DNM2: variants seen among roughly 807,000 people sequenced by gnomAD.
DNM2 encodes dynamin-2.
DNM2 carries 15 observed loss-of-function variants against 99.0 expected under a neutral mutation model. The ratio of observed to expected loss-of-function variants is 0.15; its 90% CI spans 0.10 to 0.23. The LOEUF (loss-of-function observed/expected upper bound fraction) is 0.23. Among genes scored for constraint, DNM2 ranks in the 10% least tolerant of loss-of-function variants. The pLI, the probability that DNM2 is intolerant of heterozygous loss-of-function variation, is 1.00. For missense variants in DNM2, 742 were observed against 1,189.4 expected (o/e 0.62, Z 5.53); for synonymous variants, 525 against 481.2 (o/e 1.09, Z -1.19).
At chr19:10,814,035 G>A (rs1002289284) in intron 15 of DNM2, among the ~76,000 whole-genome samples, 3 of 151,626 alleles carry the variant, frequency 2.0e-5, no homozygotes, top group Non-Finnish European at 1.5e-5. Flanking sequence ...GGTGGCGCAC[G>A]CTTGTAATCC....
intron 6 of DNM2, among the ~76,000 whole-genome samples, chr19:10,786,118 A>G (rs2071549723): frequency 6.6e-6 from 1 of 152,120 alleles, no homozygotes; most frequent in Non-Finnish European, 1.5e-5. Flanking sequence ...TCTATTTTGA[A>G]TCTTCCTTGC....
In DNM2 at chr19:10,831,187, C is replaced by T. The variant is rs1033349352; in HGVS notation, c.*140C>T. The T allele has an allele frequency of 1.6e-5, 23 of 1,405,516 alleles. No individual in the cohort carries two copies. Among genetic ancestry groups the T allele is most frequent in the East Asian group, 8.4e-5 (3 of 35,762 alleles). 87.1% of individuals were successfully genotyped at this position (1,405,516 alleles called of 1,614,324 possible). A position where few individuals can be genotyped will look rare whatever the true frequency, so the allele number is the denominator to read the frequency against. On this transcript the variant is annotated 3_prime_UTR_variant, in exon 21 of 21. Transcript: ENST00000389253. The surrounding 1 kb of genome is among the most constrained non-coding windows in gnomAD (Gnocchi z 4.3). The stretch of plus-strand genomic sequence containing the variant: ...CTGGCCTCTTCCTTAACGCTGGCCC[C>T]GGTCCAGGGCCGGCCCCTGTGCCTG...
chr19:10,743,607 G>A (rs1049641292), intron 1 of DNM2, among the ~76,000 whole-genome samples: 1 of 151,652 alleles, frequency 6.6e-6, no homozygotes, highest in East Asian at 2.0e-4. Flanking sequence ...TCAGGAGATC[G>A]AGACCATCCT....
In DNM2 at chr19:10,771,348, T is replaced by C. The variant is rs890082773; in HGVS notation, c.236-1131T>C. Among the ~76,000 whole-genome samples the C allele has an allele frequency of 3.3e-5, 5 of 152,182 alleles. No homozygotes were observed. In the East Asian group the frequency reaches 9.6e-4, roughly 29 times the overall value. ...CACTGCTTGTCAATTACTTATTTTGTTCCCCTTCATCCCAGTCTTGCTGTG... is the reference window on the plus strand; with the variant it reads ...CACTGCTTGTCAATTACTTATTTTGCTCCCCTTCATCCCAGTCTTGCTGTG... On this transcript the variant is annotated intron_variant, in intron 2 of 20. Coordinates refer to ENST00000389253, the MANE Select transcript of DNM2 (RefSeq NM_001005361.3).
chr19:10,730,362 G>T (rs2069269777), intron 1 of DNM2, among the ~76,000 whole-genome samples: 2 of 152,258 alleles, frequency 1.3e-5, no homozygotes, highest in South Asian at 4.1e-4. Flanking sequence ...TGTACTCTTA[G>T]CTACTTGGAA....
intron 15 of DNM2, among the ~76,000 whole-genome samples, chr19:10,819,035 G>A (rs2072878418): frequency 6.6e-6 from 1 of 152,238 alleles, no homozygotes; most frequent in African/African-American, 2.4e-5. Context: ...CCAGCCCCTT[G>A]CCCCTGGCCG....
intron 1 of DNM2, among the ~76,000 whole-genome samples, chr19:10,733,180 G>A (rs2069395642): frequency 1.5e-5 from 2 of 132,490 alleles, no homozygotes; most frequent in Admixed American, 1.6e-4. Flanking sequence ...CACCGCGCCT[G>A]GGCTGGTGTG....
chr19:10,803,764 C>T (rs3786716), intron 12 of DNM2: 17 of 888,120 alleles, frequency 1.9e-5, no homozygotes, highest in Admixed American at 6.2e-5. Flanking sequence ...CCCTGGGGCC[C>T]GCTGAAGAGC....
intron 15 of DNM2, among the ~76,000 whole-genome samples, chr19:10,819,736 G>A (rs2072908529): frequency 6.6e-6 from 1 of 152,192 alleles, no homozygotes; most frequent in African/African-American, 2.4e-5. Context: ...TCAGGCAGTA[G>A]CCCGGTCGTC....
chr19:10,792,802 T>C (rs1366128001), intron 7 of DNM2, among the ~76,000 whole-genome samples: 1 of 152,062 alleles, frequency 6.6e-6, no homozygotes, highest in African/African-American at 2.4e-5. Context: ...GAGACGGGGT[T>C]TCGCCATGTT....
At chr19:10,719,201 G>C (rs1050926246) in intron 1 of DNM2, among the ~76,000 whole-genome samples, 29 of 152,052 alleles carry the variant, frequency 1.9e-4, no homozygotes, top group African/African-American at 6.8e-4. Context: ...CTACCCCTGA[G>C]TGTCTGGCAC....
intron 7 of DNM2, among the ~76,000 whole-genome samples, chr19:10,787,737 C>A (rs8107372): frequency 1.4e-5 from 2 of 144,776 alleles, no homozygotes; most frequent in African/African-American, 2.6e-5. Context: ...CCTGGGTGAT[C>A]GAGCAAGACT....
intron 11 of DNM2, among the ~76,000 whole-genome samples, chr19:10,800,842 G>A (rs2072109314): frequency 6.6e-6 from 1 of 152,262 alleles, no homozygotes; most frequent in Admixed American, 6.5e-5. Context: ...TTCAGCAAGT[G>A]CAGTGGACTC....
intron 2 of DNM2, among the ~76,000 whole-genome samples, chr19:10,761,529 C>T (rs1439692766): frequency 6.6e-6 from 1 of 152,150 alleles, no homozygotes; most frequent in African/African-American, 2.4e-5. Context: ...GTGCCCCTTC[C>T]CTGCTAATCT....
chr19:10,731,977 G>GC (rs1214572404), intron 1 of DNM2, among the ~76,000 whole-genome samples: 1 of 147,650 alleles, frequency 6.8e-6, no homozygotes, highest in Non-Finnish European at 1.5e-5. Flanking sequence ...TTTTTGAGAC[G>GC]GAGTTTCGCT....
intron 1 of DNM2, among the ~76,000 whole-genome samples, chr19:10,730,048 C>T (rs2069257785): frequency 1.3e-5 from 2 of 152,074 alleles, no homozygotes; most frequent in South Asian, 4.1e-4. Flanking sequence ...ATCTTTTGTA[C>T]AGATGGGGTT....
intron 2 of DNM2, among the ~76,000 whole-genome samples, chr19:10,771,047 C>T (rs1366681191): frequency 2.6e-5 from 4 of 152,218 alleles, no homozygotes; most frequent in South Asian, 2.1e-4. Flanking sequence ...CCCTCCTCGG[C>T]GTCCCACAGT....
chr19:10,759,907 C>A, intron 2 of DNM2, 96 bp downstream of exon 2: 1 of 1,505,438 alleles, frequency 6.6e-7, no homozygotes, highest in Non-Finnish European at 9.2e-7. Flanking sequence ...GGGTCCTGGG[C>A]TGTCATTGGA....
intron 2 of DNM2, among the ~76,000 whole-genome samples, chr19:10,761,230 G>T (rs144009124): frequency 2.1e-3 from 322 of 151,988 alleles, no homozygotes; most frequent in African/African-American, 7.4e-3. Flanking sequence ...CTCGTGATCC[G>T]CCCACTTCGG....
Sources: allele counts gnomAD v4.1 joint callset (sites outside exome capture counted in the v4.1 genomes callset), GRCh38; gene constraint gnomAD v4.1.1; non-coding constraint Gnocchi (gnomAD v3.1); transcripts MANE v1.5; gene names NCBI Gene and HGNC (gene_info 2026-07-23, HGNC 2026-07-21).